ADAMTSL1: variants seen among roughly 807,000 people sequenced by gnomAD.
ADAMTSL1 encodes the protein ADAMTS like 1, also known as ADAMTS-like protein 1.
In ADAMTSL1, 126 loss-of-function variants were observed where a neutral mutation model predicts 201.8. That is an observed-to-expected ratio of 0.62 (90% CI 0.54 to 0.72). ADAMTSL1 has a LOEUF of 0.72. Ranked by LOEUF, ADAMTSL1 falls within the 30% of genes least tolerant of loss-of-function variation. ADAMTSL1 has a pLI of 0.00. For missense variants in ADAMTSL1, 2,679 were observed against 2,277.8 expected (o/e 1.18, Z -3.59); for synonymous variants, 1,121 against 903.4 (o/e 1.24, Z -4.32).
At chr9:18,633,646 T>A (rs1461335211) in intron 5 of ADAMTSL1, among the ~76,000 whole-genome samples, 1 of 151,682 alleles carries the variant, frequency 6.6e-6, no homozygotes, top group Non-Finnish European at 1.5e-5. Flanking sequence ...AACTTTTTTT[T>A]TTTTTTTTTT....
rs1828825391 is a variant in ADAMTSL1 at position 18,188,327 on chromosome 9, G to A, written c.207+24346G>A. Among the ~76,000 whole-genome samples, 3 of 152,174 alleles carry A rather than the reference G, an allele frequency of 2.0e-5. No individual in the cohort carries two copies. The South Asian group carries it at 6.2e-4, about 31-fold the overall frequency. ...ATTAGTTGGCACTGGCATTCAGTCA[G>A]TAGTAGAATTGAGAAGTTCCTGGGA... is the stretch of plus-strand genomic sequence containing the variant. On this transcript the variant is annotated intron_variant, in intron 2 of 29. Coordinates refer to the ADAMTSL1 transcript ENST00000680146.
intron 20 of ADAMTSL1, among the ~76,000 whole-genome samples, chr9:18,816,826 C>T (rs1348147095): frequency 7.4e-6 from 1 of 134,716 alleles, no homozygotes; most frequent in Non-Finnish European, 1.5e-5. Flanking sequence ...TCATGGAGTA[C>T]ATAGTGATGT....
chr9:18,819,709 A>G (rs1427521302), intron 21 of ADAMTSL1, among the ~76,000 whole-genome samples: 1 of 152,138 alleles, frequency 6.6e-6, no homozygotes, highest in Non-Finnish European at 1.5e-5. Context: ...TGCAGTCTTT[A>G]TTTTTGTTTT....
chr9:18,365,086 T>A (rs912912005), intron 2 of ADAMTSL1, among the ~76,000 whole-genome samples: 1 of 152,152 alleles, frequency 6.6e-6, no homozygotes, highest in Admixed American at 6.5e-5. Context: ...GTCTGGCATA[T>A]GCTCCCGGAG....
At position 18,543,033 on chromosome 9, in the gene ADAMTSL1, C is replaced by T. The variant is rs139418676; in HGVS notation, c.237+9741C>T. On this transcript the variant is annotated intron_variant, in intron 3 of 28. Coordinates refer to ENST00000380548, the MANE Select transcript of ADAMTSL1 (RefSeq NM_001040272.6). ...AAAAACAGACTTTCTATACAATGCC[C>T]AGTTATTAGGCTGGACAGTCAGGTC... Among the ~76,000 whole-genome samples, 931 of 152,266 alleles carry T rather than the reference C, an allele frequency of 6.1e-3. 8 individuals are homozygous for T. Among genetic ancestry groups the T allele is most frequent in the African/African-American group, 0.022 (895 of 41,536 alleles).
At chr9:18,228,851 T>G (rs1830534086) in intron 2 of ADAMTSL1, among the ~76,000 whole-genome samples, 1 of 151,948 alleles carries the variant, frequency 6.6e-6, no homozygotes, top group Non-Finnish European at 1.5e-5. Flanking sequence ...TGTTTTTTTT[T>G]TTTTTGTAGT....
chr9:18,788,399 C>T (rs1163408840), intron 19 of ADAMTSL1, among the ~76,000 whole-genome samples: 2 of 151,354 alleles, frequency 1.3e-5, no homozygotes, highest in South Asian at 2.1e-4. Context: ...CCCCCGCAAC[C>T]ACCGAAAATG....
intron 1 of ADAMTSL1, among the ~76,000 whole-genome samples, chr9:17,927,971 C>G (rs1826620028): frequency 6.7e-6 from 1 of 150,144 alleles, no homozygotes; most frequent in African/African-American, 2.4e-5. Flanking sequence ...ATGTGTGGTT[C>G]TTTTTCTTTT....
At chr9:18,460,848 A>C (rs1304590703) in intron 2 of ADAMTSL1, among the ~76,000 whole-genome samples, 1 of 152,228 alleles carries the variant, frequency 6.6e-6, no homozygotes, top group Non-Finnish European at 1.5e-5. Flanking sequence ...CTCACATTTC[A>C]GTGAAAATCA....
chr9:17,968,631 C>T lies in ADAMTSL1; in HGVS notation c.87+61709C>T, dbSNP rs867339720. 1.2e-3 allele frequency among the ~76,000 whole-genome samples: 184 copies of T among 152,184 alleles called. 1 individual carries two copies. The highest frequency in any genetic ancestry group is 3.8e-3 in the African/African-American group (156 of 41,550). On this transcript the variant is annotated intron_variant, in intron 1 of 29. Coordinates refer to the ADAMTSL1 transcript ENST00000680146. ...TCCCACACAAACAATGTGGTATCCT[C>T]GTTGATTGGTGCTAGTTTGATTTCA...
At chr9:18,870,760 A>G (rs1827833921) in intron 23 of ADAMTSL1, among the ~76,000 whole-genome samples, 1 of 151,414 alleles carries the variant, frequency 6.6e-6, no homozygotes, top group African/African-American at 2.4e-5. Flanking sequence ...GTTTTTGGTA[A>G]TTCTTCAATG....
intron 2 of ADAMTSL1, among the ~76,000 whole-genome samples, chr9:18,167,425 G>C (rs1340442362): frequency 6.6e-6 from 1 of 151,898 alleles, no homozygotes; most frequent in Non-Finnish European, 1.5e-5. Flanking sequence ...TGAAATGGAG[G>C]TGAGCTTTCA....
At chr9:18,845,463 A>G (rs1479370560) in intron 23 of ADAMTSL1, among the ~76,000 whole-genome samples, 1 of 152,238 alleles carries the variant, frequency 6.6e-6, no homozygotes, top group Non-Finnish European at 1.5e-5. Context: ...TGGTGGCACC[A>G]ACATGCTCAC....
intron 2 of ADAMTSL1, among the ~76,000 whole-genome samples, chr9:18,382,991 T>C (rs920249193): frequency 1.3e-5 from 2 of 152,166 alleles, no homozygotes; most frequent in Admixed American, 6.6e-5. Flanking sequence ...TGAATAAATG[T>C]GAAGTAAACC....
chr9:18,613,843 A>G (rs911857582), intron 4 of ADAMTSL1, among the ~76,000 whole-genome samples: 2 of 152,172 alleles, frequency 1.3e-5, no homozygotes, highest in African/African-American at 2.4e-5. Context: ...GCATATACCT[A>G]TGTAACAAAG....
At chr9:18,720,323 T>C (rs977433063) in intron 14 of ADAMTSL1, among the ~76,000 whole-genome samples, 1 of 152,220 alleles carries the variant, frequency 6.6e-6, no homozygotes, top group African/African-American at 2.4e-5. Flanking sequence ...TAAATGGGAA[T>C]AAAAATAGTG....
intron 4 of ADAMTSL1, among the ~76,000 whole-genome samples, chr9:18,615,362 AG>A: frequency 6.6e-6 from 1 of 152,314 alleles, no homozygotes; most frequent in Non-Finnish European, 1.5e-5. Flanking sequence ...GTTGGGGCTG[AG>A]CCCCTTCCCC....
chr9:18,808,128 A>T (rs117997574), intron 20 of ADAMTSL1, among the ~76,000 whole-genome samples: 1 of 152,326 alleles, frequency 6.6e-6, no homozygotes, highest in Non-Finnish European at 1.5e-5. Context: ...GAAGAAGAGG[A>T]ACCAGTTAAA....
intron 2 of ADAMTSL1, among the ~76,000 whole-genome samples, chr9:18,446,848 G>T (rs183789475): frequency 1.1e-3 from 161 of 152,304 alleles, no homozygotes; most frequent in Admixed American, 3.3e-3. Context: ...AGAAGGTTTG[G>T]TTCCAAAAGT....
Sources: allele counts gnomAD v4.1 joint callset (sites outside exome capture counted in the v4.1 genomes callset), GRCh38; gene constraint gnomAD v4.1.1; transcripts MANE v1.5; gene names NCBI Gene and HGNC (gene_info 2026-07-23, HGNC 2026-07-21).